Variants in GALNT13 observed in about 807,000 individuals in gnomAD.
GALNT13 encodes polypeptide N-acetylgalactosaminyltransferase 13.
In GALNT13, 28 loss-of-function variants were observed where a neutral mutation model predicts 64.2. The ratio of observed to expected loss-of-function variants is 0.44; its 90% confidence interval spans 0.32 to 0.60. The LOEUF (loss-of-function observed/expected upper bound fraction) is 0.60, where lower values mean the gene tolerates loss of function less well. GALNT13 is among the 20% of genes least tolerant of loss of function. GALNT13 has a pLI of 0.05. For missense variants in GALNT13, 577 were observed against 669.8 expected (o/e 0.86, Z 1.53); for synonymous variants, 214 against 224.6 (o/e 0.95, Z 0.42).
At chr2:154,403,480 A>T (rs1699391876) in intron 10 of GALNT13, among the ~76,000 whole-genome samples, 1 of 151,976 alleles carries the variant, frequency 6.6e-6, no homozygotes, top group Admixed American at 6.6e-5. Flanking sequence ...AAACGAAAAA[A>T]AAAGCTTTCA....
At chr2:153,860,212 T>A in the GALNT13 span, among the ~76,000 whole-genome samples, 137 of 152,340 alleles carry the variant, frequency 9.0e-4, 1 homozygote, top group African/African-American at 3.1e-3. Flanking sequence ...AAAATAATGC[T>A]TTGTAAAGAA....
At chr2:153,941,962 A>G (rs911287430) in intron 2 of GALNT13, among the ~76,000 whole-genome samples, 12 of 152,178 alleles carry the variant, frequency 7.9e-5, no homozygotes, top group Non-Finnish European at 1.5e-5. Context: ...TACTGCTTGA[A>G]GTGGCAATAA....
At chr2:153,491,324 A>G in the GALNT13 span, among the ~76,000 whole-genome samples, 1 of 152,084 alleles carries the variant, frequency 6.6e-6, no homozygotes, top group African/African-American at 2.4e-5. Flanking sequence ...TTTACTAAGA[A>G]ACATAAAAGA....
the GALNT13 span, among the ~76,000 whole-genome samples, chr2:153,634,829 G>T: frequency 6.6e-6 from 1 of 151,886 alleles, no homozygotes; most frequent in Non-Finnish European, 1.5e-5. Context: ...AACTACAGGC[G>T]TGAGCCACCA....
chr2:153,714,891 G>C, the GALNT13 span, among the ~76,000 whole-genome samples: 1 of 152,176 alleles, frequency 6.6e-6, no homozygotes, highest in African/African-American at 2.4e-5. Flanking sequence ...GTCTCAAAGA[G>C]TCTGAAATAC....
At chr2:154,074,928 A>G (rs926430359) in intron 3 of GALNT13, among the ~76,000 whole-genome samples, 1 of 151,918 alleles carries the variant, frequency 6.6e-6, no homozygotes, top group Non-Finnish European at 1.5e-5. Flanking sequence ...TCTATGACAA[A>G]TCCACGGCCA....
chr2:153,251,690 A>G, the GALNT13 span, among the ~76,000 whole-genome samples: 5 of 138,410 alleles, frequency 3.6e-5, no homozygotes, highest in Non-Finnish European at 7.5e-5. Context: ...CTCATTGTTC[A>G]GTTCCCACGT....
the GALNT13 span, among the ~76,000 whole-genome samples, chr2:153,731,213 G>T: frequency 6.6e-5 from 10 of 151,716 alleles, no homozygotes; most frequent in African/African-American, 2.4e-4. Flanking sequence ...GCAGCAACAT[G>T]GATGAAACTG....
At chr2:154,317,185 C>T (rs187734377) in intron 9 of GALNT13, among the ~76,000 whole-genome samples, 49 of 140,422 alleles carry the variant, frequency 3.5e-4, no homozygotes, top group Admixed American at 2.7e-3. Context: ...TGTACTCCAG[C>T]GTGAGTGACA....
the GALNT13 span, among the ~76,000 whole-genome samples, chr2:153,250,171 G>C: frequency 6.6e-6 from 1 of 151,950 alleles, no homozygotes; most frequent in African/African-American, 2.4e-5. Context: ...AATCTACAAG[G>C]AACTTAAACA....
the GALNT13 span, among the ~76,000 whole-genome samples, chr2:153,650,817 T>G: frequency 6.6e-6 from 1 of 152,148 alleles, no homozygotes; most frequent in African/African-American, 2.4e-5. Flanking sequence ...AAAGACTGTT[T>G]TAAATTACTT....
chr2:153,513,985 TA>T, the GALNT13 span, among the ~76,000 whole-genome samples: 2 of 152,214 alleles, frequency 1.3e-5, no homozygotes, highest in African/African-American at 4.8e-5. Flanking sequence ...CTTTAACCTG[TA>T]AGGTTTGTCT....
At chr2:153,808,461 T>C in the GALNT13 span, among the ~76,000 whole-genome samples, 2 of 152,114 alleles carry the variant, frequency 1.3e-5, no homozygotes, top group Non-Finnish European at 2.9e-5. Flanking sequence ...TTGCTATTAG[T>C]TCTCCTTTTT....
the GALNT13 span, among the ~76,000 whole-genome samples, chr2:153,602,055 T>G: frequency 6.6e-6 from 1 of 151,758 alleles, no homozygotes; most frequent in Non-Finnish European, 1.5e-5. Flanking sequence ...TGATACCGCA[T>G]AAATAGAGCA....
Position 154,184,731 on chromosome 2 carries a change from C to T in GALNT13, c.311+44226C>T, listed in dbSNP as rs145452834. Among the ~76,000 whole-genome samples, 273 of 152,186 alleles carry T rather than the reference C, an allele frequency of 1.8e-3. 1 individual carries two copies. Among genetic ancestry groups the T allele is most frequent in the African/African-American group, 6.3e-3 (261 of 41,548 alleles). On this transcript the variant is annotated intron_variant, in intron 4 of 12. Coordinates refer to ENST00000392825, the MANE Select transcript of GALNT13 (RefSeq NM_052917.4). ...GCCAGGCCCTTTTTAACAACCAGCT[C>T]ACACCAGAACTTATAGAGCAATAAC...
At chr2:154,126,333 T>C (rs769794840) in intron 3 of GALNT13, among the ~76,000 whole-genome samples, 1 of 151,824 alleles carries the variant, frequency 6.6e-6, no homozygotes, top group African/African-American at 2.4e-5. Flanking sequence ...AACATGTTTG[T>C]GCATTAGAAA....
the GALNT13 span, among the ~76,000 whole-genome samples, chr2:153,374,446 T>A: frequency 6.6e-6 from 1 of 152,140 alleles, no homozygotes; most frequent in Non-Finnish European, 1.5e-5. Context: ...GTTGTTGAAT[T>A]TTAGGGATTC....
At chr2:153,431,620 C>A in the GALNT13 span, among the ~76,000 whole-genome samples, 2 of 152,152 alleles carry the variant, frequency 1.3e-5, no homozygotes, top group Non-Finnish European at 2.9e-5. Context: ...GCTTCTAGCC[C>A]CTCATTTTGC....
the GALNT13 span, among the ~76,000 whole-genome samples, chr2:153,494,873 T>C: frequency 1.3e-5 from 2 of 152,014 alleles, no homozygotes; most frequent in African/African-American, 4.8e-5. Flanking sequence ...CTCTTTTGAG[T>C]CTATAAGAAG....
Sources: allele counts gnomAD v4.1 joint callset (sites outside exome capture counted in the v4.1 genomes callset), GRCh38; gene constraint gnomAD v4.1.1; transcripts MANE v1.5; gene names NCBI Gene and HGNC (gene_info 2026-07-23, HGNC 2026-07-21).